The following FANCM variants were observed in gnomAD, a reference collection of about 807,000 sequenced individuals.
The protein encoded by FANCM is Fanconi anemia group M protein.
In FANCM, 140 loss-of-function variants were observed where a neutral mutation model predicts 199.5. That is an observed-to-expected ratio of 0.70 (90% confidence interval 0.61 to 0.81). The LOEUF (loss-of-function observed/expected upper bound fraction) is 0.81, where lower values mean the gene tolerates loss of function less well. Ranked by LOEUF, FANCM falls within the 30% of genes least tolerant of loss-of-function variation. The probability of loss-of-function intolerance (pLI) is 0.00; values close to 1 mark genes in which losing one functional copy is unlikely to be tolerated. For missense variants in FANCM, 2,410 were observed against 2,421.4 expected, an observed-to-expected ratio of 1.00 and a Z score of 0.10; for synonymous variants, 840 against 836.8, an observed-to-expected ratio of 1.00 and a Z score of -0.07.
Position 45,185,267 on chromosome 14 carries a change from T to C in FANCM, c.4566T>C (p.Asp1522=), listed in dbSNP as rs375131983. The C allele has an allele frequency of 2.5e-6, 4 of 1,604,314 alleles. No homozygotes were observed. Among genetic ancestry groups the C allele is most frequent in the Middle Eastern group, 1.7e-4 (1 of 6,020 alleles). ...ATGAAGCAGAACTTTCTGAAGAAGA[T>C]GCAGAATATGTTTCATCAGATGAAA... ...LDDEAELSEE[D]AEYVSSDEND... is the part of the protein sequence containing the mutation. The change falls in exon 18 of 23, where the codon GAT becomes GAC. Residue 1522 remains aspartate, a synonymous_variant. Transcript: ENST00000267430.
intron 2 of FANCM, among the ~76,000 whole-genome samples, chr14:45,138,222 CTA>C (rs1885661812): frequency 2.6e-5 from 4 of 151,932 alleles, no homozygotes; most frequent in Non-Finnish European, 5.9e-5. Flanking sequence ...GTAGTTAAAA[CTA>C]TAGTAGTTGG....
intron 10 of FANCM, among the ~76,000 whole-genome samples, chr14:45,166,517 C>T (rs1031174778): frequency 3.3e-5 from 5 of 151,980 alleles, no homozygotes; most frequent in East Asian, 3.9e-4. Context: ...CAGTGACTCA[C>T]GCCTGTAATT....
Position 45,176,696 on chromosome 14 carries a change from A to C in FANCM, c.3942A>C (p.Ala1314=). The C allele has an allele frequency of 6.2e-7, 1 of 1,613,856 alleles. No homozygotes were observed. Among genetic ancestry groups the C allele is most frequent in the Middle Eastern group, 1.7e-4 (1 of 6,058 alleles). The change falls in exon 14 of 23, where the codon GCA becomes GCC. Residue 1314 remains alanine (A), a synonymous_variant. Transcript: ENST00000267430. ...NPNYVHLPLS[A]AKNEELLSPG... is the part of the protein sequence containing the mutation. Reference sequence around the variant, plus strand: ...ATTATGTACATTTGCCACTGAGTGCAGCAAAAAATGAAGAATTGTTATCTC... The same window carrying C: ...ATTATGTACATTTGCCACTGAGTGCCGCAAAAAATGAAGAATTGTTATCTC...
chr14:45,150,313 C>G (rs1309473077), intron 4 of FANCM, among the ~76,000 whole-genome samples: 1 of 152,104 alleles, frequency 6.6e-6, no homozygotes. Flanking sequence ...AATTGAAAAT[C>G]ATTCCATTTA....
chr14:45,176,734 A>C lies in FANCM; in HGVS notation c.3980A>C (p.Gln1327Pro). ...GAATTGTTATCTCCTGGTTATTCTC[A>C]GTTTTCTTTACCAGTGCAAAAAAAA... ...NEELLSPGYS[Q>P]FSLPVQKKVM... The change falls in exon 14 of 23, where the codon CAG becomes CCG. Residue 1327 changes from glutamine to proline, a missense_variant. Gln to Pro is a moderately conservative substitution (Grantham distance 76). Transcript: ENST00000267430. 1 of 1,613,318 alleles carries C rather than the reference A, an allele frequency of 6.2e-7. No homozygotes were observed. Among genetic ancestry groups the C allele is most frequent in the Non-Finnish European group, 8.5e-7 (1 of 1,179,600 alleles).
chr14:45,170,787 C>T (rs1317031802), intron 12 of FANCM, 41 bp downstream of exon 12: 1 of 1,528,234 alleles, frequency 6.5e-7, no homozygotes, highest in Non-Finnish European at 9.0e-7. Context: ...TCCCCCCCCT[C>T]ATTTTAATGC....
At chr14:45,179,233 T>C (rs1888906929) in intron 14 of FANCM, among the ~76,000 whole-genome samples, 2 of 151,832 alleles carry the variant, frequency 1.3e-5, no homozygotes, top group African/African-American at 4.8e-5. Flanking sequence ...AAATCCTTAC[T>C]CTCTGACTGA....
At chr14:45,159,053 C>A in intron 8 of FANCM, 43 bp from the exon 9 acceptor site, 2 of 1,219,504 alleles carry the variant, frequency 1.6e-6, no homozygotes, top group Non-Finnish European at 2.3e-6. Context: ...TGTCTAAATG[C>A]TTTGTAAAAA....
chr14:45,146,832 CAAAAAAAAA>C (rs762253487), intron 3 of FANCM, among the ~76,000 whole-genome samples: 1 of 42,168 alleles, frequency 2.4e-5, no homozygotes, highest in East Asian at 8.5e-4. Flanking sequence ...GACTCTGTCT[CAAAAAAAAA>C]AAAAAAAAAA....
chr14:45,139,118 C>A (rs560355822), intron 2 of FANCM, among the ~76,000 whole-genome samples: 3 of 152,236 alleles, frequency 2.0e-5, no homozygotes, highest in African/African-American at 7.2e-5. Flanking sequence ...CATGACTTTT[C>A]AAAAATCCTT....
In FANCM at chr14:45,181,518, T is replaced by C. The variant is rs1017827085; in HGVS notation, c.4311T>C (p.Ser1437=). 46 of 1,593,822 alleles carry C rather than the reference T, an allele frequency of 2.9e-5. No individual in the cohort carries two copies. The highest frequency in any genetic ancestry group is 4.0e-5 in the Non-Finnish European group (46 of 1,161,776). ...GAGCAAAAGGAAATGTTTTAAACTC[T>C]CCTGAGGTGAGTCATTCAGTAATCA... ...VKRAKGNVLN[S]PEDQKNSEVD... is the part of the protein sequence containing the mutation. The change falls in exon 15 of 23, where the codon TCT becomes TCC. Residue 1437 remains serine (S), a synonymous_variant. Coordinates refer to ENST00000267430, the MANE Select transcript of FANCM (RefSeq NM_020937.4).
chr14:45,155,264 TAAA>T lies in FANCM; in HGVS notation c.1310-102_1310-100del, dbSNP rs554079177. ...CCTCTGGTTTAAGTTTTTTAAAAAT[TAAA>T]AAAAAATCCAACATATGCATTGGAA... On this transcript the variant is annotated intron_variant, in intron 7 of 22. Transcript: ENST00000267430. 5.4e-4 allele frequency: 311 copies of T among 578,096 alleles called. 2 individuals carry two copies. Among genetic ancestry groups the T allele is most frequent in the African/African-American group, 5.2e-3 (273 of 52,602 alleles). The allele number at this position is 578,096 out of a possible 1,614,324, so 35.8% of individuals were successfully genotyped here.
rs762136790 is a variant in FANCM, at chr14:45,198,967, CT to C, written c.6008+36del. ...CTGTTGTAATATTTTTAAATGATTACTTTTAAAAGATTCGTAAAAGCATTCC... is the reference window on the plus strand; with the variant it reads ...CTGTTGTAATATTTTTAAATGATTACTTTAAAAGATTCGTAAAAGCATTCC... On this transcript the variant is annotated intron_variant, in intron 22 of 22. Coordinates refer to ENST00000267430, the MANE Select transcript of FANCM (RefSeq NM_020937.4). 2.0e-6 allele frequency: 3 copies of C among 1,531,128 alleles called. No homozygotes were observed. In the African/African-American group the frequency reaches 4.1e-5, roughly 21 times the overall value. 94.8% of individuals were successfully genotyped at this position (1,531,128 alleles called of 1,614,324 possible).
At chr14:45,183,530 A>G (rs933579028) in intron 16 of FANCM, among the ~76,000 whole-genome samples, 2 of 152,310 alleles carry the variant, frequency 1.3e-5, no homozygotes, top group African/African-American at 2.4e-5. Flanking sequence ...AACTAAAAGT[A>G]TGTTTTCATC....
chr14:45,194,276 T>G (rs1218526620), intron 20 of FANCM, among the ~76,000 whole-genome samples: 5 of 148,744 alleles, frequency 3.4e-5, no homozygotes, highest in African/African-American at 5.0e-5. Flanking sequence ...CACTCCAGCC[T>G]GGGTGACAAG....
At position 45,136,313 on chromosome 14, in the gene FANCM, C is replaced by T. The variant is rs2139102125; in HGVS notation, c.282C>T (p.Tyr94=). Residue 94 remains tyrosine, a synonymous_variant, in exon 1 of 23, where the codon TAC becomes TAT. Coordinates refer to ENST00000267430, the MANE Select transcript of FANCM (RefSeq NM_020937.4). The part of the protein sequence containing the change: ...IYPTNCPVRD[Y]QLHISRAALF... ...CTACCAATTGCCCAGTGCGGGACTA[C>T]CAGCTGCACATTTCCCGGGCTGCTC... is the stretch of plus-strand genomic sequence containing the variant. 2.5e-6 allele frequency: 4 copies of T among 1,614,124 alleles called. No homozygotes were observed. The highest frequency in any genetic ancestry group is 3.4e-6 in the Non-Finnish European group (4 of 1,180,006).
intron 14 of FANCM, among the ~76,000 whole-genome samples, chr14:45,177,286 G>A (rs905651124): frequency 2.0e-5 from 3 of 152,150 alleles, no homozygotes; most frequent in African/African-American, 7.2e-5. Context: ...TTGAAAAGAT[G>A]CCAGTAAAAT....
intron 9 of FANCM, 138 bp downstream of exon 9, chr14:45,159,418 C>T: frequency 3.3e-6 from 2 of 611,674 alleles, no homozygotes; most frequent in Non-Finnish European, 5.7e-6. Context: ...TAAAAATAAG[C>T]ATATTTTGAA....
Position 45,200,620 on chromosome 14 carries a change from G to C in FANCM, c.*612G>C, listed in dbSNP as rs1400914930. The stretch of plus-strand genomic sequence containing the variant: ...CCCAACCAAAATCTCATCTTGACTT[G>C]TAATCTGAATTATAATCCCAATATA... On this transcript the variant is annotated 3_prime_UTR_variant, in exon 23 of 23. Coordinates refer to ENST00000267430, the MANE Select transcript of FANCM (RefSeq NM_020937.4). 6.6e-6 allele frequency: 1 copy of C among 152,324 alleles called. No individual in the cohort carries two copies. The highest frequency in any genetic ancestry group is 1.5e-5 in the Non-Finnish European group (1 of 68,152). 9.4% of individuals were successfully genotyped at this position (152,324 alleles called of 1,614,324 possible).
Sources: gnomAD v4.1 joint callset for allele counts (sites outside exome capture counted in the v4.1 genomes callset) on GRCh38, gnomAD v4.1.1 for gene constraint, MANE v1.5 for transcripts, NCBI Gene and HGNC (gene_info 2026-07-23, HGNC 2026-07-21) for gene names.